The following PUS10 variants were observed in gnomAD, a reference collection of about 807,000 sequenced individuals.
PUS10 encodes the protein pseudouridine synthase 10.
PUS10 carries 59 observed loss-of-function variants against 75.0 expected under a neutral mutation model. The observed-to-expected ratio is 0.79, with a 90% CI of 0.64 to 0.98. The LOEUF is 0.98. PUS10 is among the 50% of genes least tolerant of loss of function. PUS10 has a pLI of 0.00. For synonymous variants in PUS10, 219 were observed against 211.6 expected, an observed-to-expected ratio of 1.03 and a Z score of -0.30; for missense variants, 650 against 614.4, an observed-to-expected ratio of 1.06 and a Z score of -0.61.
intron 4 of PUS10, among the ~76,000 whole-genome samples, chr2:60,972,838 A>G (rs1676772022): frequency 6.6e-6 from 1 of 152,242 alleles, no homozygotes; most frequent in African/African-American, 2.4e-5. Flanking sequence ...ACTGATGATC[A>G]CTTGGAAAGA....
intron 4 of PUS10, among the ~76,000 whole-genome samples, chr2:61,005,161 T>C (rs1471552591): frequency 6.6e-6 from 1 of 152,186 alleles, no homozygotes. Flanking sequence ...CTTGGGAGAC[T>C]GAGGCAGGAG....
chr2:60,987,252 C>T (rs968502728), intron 4 of PUS10, among the ~76,000 whole-genome samples: 2 of 152,118 alleles, frequency 1.3e-5, no homozygotes, highest in Admixed American at 6.5e-5. Context: ...GCAGATTTAA[C>T]CACACACCCA....
rs910869482 is a variant in PUS10 at position 60,961,364 on chromosome 2, A to G, written c.874+99T>C. The G allele has an allele frequency of 2.4e-5, 21 of 882,336 alleles. No homozygotes were observed. In the African/African-American group the frequency reaches 3.0e-4, roughly 13 times the overall value. The allele number at this position is 882,336 out of a possible 1,614,324, so 54.7% of individuals were successfully genotyped here. ...CAAGAGAGTAAACTTATTAGAATCTAATAACAACAATAAGAATAAAATAGA... is the reference window on the plus strand; with the variant it reads ...CAAGAGAGTAAACTTATTAGAATCTGATAACAACAATAAGAATAAAATAGA... On this transcript the variant is annotated intron_variant, in intron 10 of 17. Transcript: ENST00000316752.
At chr2:61,017,563 T>C (rs1468731708) in intron 1 of PUS10, 14 of 553,998 alleles carry the variant, frequency 2.5e-5, no homozygotes, top group Non-Finnish European at 4.2e-5. Flanking sequence ...AAAGAGCGTG[T>C]TTCTTCCTAC....
rs1464275346 is a variant in PUS10 at position 61,011,803 on chromosome 2, C to T, written c.88G>A (p.Gly30Ser). Residue 30 changes from glycine to serine, a missense_variant, in exon 2 of 18, where the codon GGT becomes AGT. Gly to Ser is a moderately conservative substitution (Grantham distance 56, BLOSUM62 0). Transcript: ENST00000316752. ...TCPRCIFRFC[G>S]VDFHAPYKLP... Reference sequence around the variant, plus strand: ...TTGTAAGGTGCATGAAAATCCACACCACAGAATCTGAAGATACATCTTGGA... The same window carrying T: ...TTGTAAGGTGCATGAAAATCCACACTACAGAATCTGAAGATACATCTTGGA... 38 of 1,608,042 alleles carry T rather than the reference C, an allele frequency of 2.4e-5. No individual in the cohort carries two copies. Among genetic ancestry groups the T allele is most frequent in the Non-Finnish European group, 2.9e-5 (34 of 1,177,354 alleles).
At chr2:60,953,339 A>C (rs529374940) in intron 14 of PUS10, among the ~76,000 whole-genome samples, 3 of 152,296 alleles carry the variant, frequency 2.0e-5, no homozygotes, top group South Asian at 4.1e-4. Flanking sequence ...CATTAGTGTC[A>C]CTTCTCATTA....
At chr2:60,978,698 G>A (rs1458205812) in intron 4 of PUS10, among the ~76,000 whole-genome samples, 1 of 152,136 alleles carries the variant, frequency 6.6e-6, no homozygotes, top group Non-Finnish European at 1.5e-5. Flanking sequence ...GAAGTAGCAT[G>A]ATCATATTTG....
chr2:60,965,821 A>C (rs1404513824), intron 6 of PUS10: 1 of 176,956 alleles, frequency 5.7e-6, no homozygotes, highest in Non-Finnish European at 1.2e-5. Flanking sequence ...AGAAATGAAG[A>C]ATTATTCTGC....
intron 5 of PUS10, among the ~76,000 whole-genome samples, chr2:60,968,142 C>T (rs1327216825): frequency 1.3e-5 from 2 of 152,086 alleles, no homozygotes; most frequent in African/African-American, 4.8e-5. Context: ...CTGAAATGCT[C>T]ATCAATGTAT....
chr2:61,010,652 G>A lies in PUS10; in HGVS notation c.126+1113C>T, dbSNP rs547912239. ...TTTCTGGTTTTCAAAGTGTTTCCACGTACTTTATTAGGTATTGTCCCTTAA... is the reference window on the plus strand; with the variant it reads ...TTTCTGGTTTTCAAAGTGTTTCCACATACTTTATTAGGTATTGTCCCTTAA... On this transcript the variant is annotated intron_variant, in intron 2 of 17. Transcript: ENST00000316752. 44 of 968,732 alleles carry A rather than the reference G, an allele frequency of 4.5e-5. No homozygotes were observed. In the East Asian group the frequency reaches 1.1e-3, roughly 24 times the overall value. The allele number at this position is 968,732 out of a possible 1,614,324, so 60.0% of individuals were successfully genotyped here. A position where few individuals can be genotyped will look rare whatever the true frequency, so the allele number is the denominator to read the frequency against.
intron 6 of PUS10, 180 bp from the exon 7 acceptor site, chr2:60,965,664 G>GA: frequency 2.7e-6 from 1 of 367,678 alleles, no homozygotes; most frequent in Admixed American, 4.7e-5. Context: ...AAATAGTTTT[G>GA]TTTTTTTTTT....
At chr2:60,996,671 A>AT (rs1678484135) in intron 4 of PUS10, among the ~76,000 whole-genome samples, 1 of 152,060 alleles carries the variant, frequency 6.6e-6, no homozygotes, top group Non-Finnish European at 1.5e-5. Context: ...AACGGGACGC[A>AT]TGGGCAAATC....
chr2:60,965,250 C>T, intron 7 of PUS10, 147 bp from the exon 8 acceptor site: 2 of 990,656 alleles, frequency 2.0e-6, no homozygotes, highest in African/African-American at 1.6e-5. Flanking sequence ...TATCGGTTTG[C>T]CCAGGAACTA....
Position 61,018,191 on chromosome 2 carries a change from T to A in PUS10, c.-199A>T. The A allele has an allele frequency of 6.4e-7, 1 of 1,550,938 alleles. No homozygotes were observed. Among genetic ancestry groups the A allele is most frequent in the African/African-American group, 1.4e-5 (1 of 73,162 alleles). On this transcript the variant is annotated 5_prime_UTR_variant, in exon 1 of 18. In the 5' UTR this introduces an upstream ATG that the reference lacks. Coordinates refer to ENST00000316752, the MANE Select transcript of PUS10 (RefSeq NM_144709.4). ...GCTTCTCTATCTTTAAAGCGTAGAC[T>A]TTGGTCTGTAGCAGTTGAGAGCGGC...
chr2:60,974,311 G>C (rs527875662), intron 4 of PUS10, among the ~76,000 whole-genome samples: 2 of 148,596 alleles, frequency 1.3e-5, no homozygotes, highest in South Asian at 2.1e-4. Context: ...CGCCTCCCGA[G>C]TTCAAGTGTT....
intron 5 of PUS10, among the ~76,000 whole-genome samples, chr2:60,971,297 C>CA (rs1373973254): frequency 2.0e-5 from 3 of 151,898 alleles, no homozygotes; most frequent in South Asian, 2.1e-4. Flanking sequence ...TTAAAACACA[C>CA]AAAAAATGAA....
intron 17 of PUS10, chr2:60,944,234 A>G (rs1674802612): frequency 9.1e-6 from 9 of 984,992 alleles, no homozygotes; most frequent in Non-Finnish European, 1.1e-5. Context: ...GGGCACGATC[A>G]CTGGCTGTAC....
intron 17 of PUS10, chr2:60,944,166 C>G (rs1674798608): frequency 1.1e-6 from 1 of 931,142 alleles, no homozygotes; most frequent in Non-Finnish European, 1.3e-6. Context: ...TTTTCTTTAA[C>G]AGAAGGTTTT....
rs533123703 is a variant in PUS10 at position 60,993,875 on chromosome 2, C to T, written c.468+12682G>A. On this transcript the variant is annotated intron_variant, in intron 4 of 17. Transcript: ENST00000316752. The stretch of plus-strand genomic sequence containing the variant: ...CGCGATCTCGGCTCACTGCAAGTTC[C>T]GCCTCCCATGTTCACGCCATTCTCC... Among the ~76,000 whole-genome samples the T allele has an allele frequency of 1.9e-4, 29 of 152,076 alleles. No homozygotes were observed. In the South Asian group the frequency reaches 4.6e-3, roughly 24 times the overall value.
Sources: allele counts gnomAD v4.1 joint callset (sites outside exome capture counted in the v4.1 genomes callset), GRCh38; gene constraint gnomAD v4.1.1; transcripts MANE v1.5; gene names NCBI Gene and HGNC (gene_info 2026-07-23, HGNC 2026-07-21).